Variants in REDIC1 observed in about 807,000 individuals in gnomAD.
REDIC1 encodes the protein HEI10 Interacting Protein 1.
chr12:39,750,068 G>C, the REDIC1 span, among the ~76,000 whole-genome samples: 5 of 152,120 alleles, frequency 3.3e-5, no homozygotes, highest in Non-Finnish European at 7.4e-5. Context: ...TTCCGGCCAG[G>C]GCAATCAGGC....
chr12:39,667,518 T>C, the REDIC1 span, among the ~76,000 whole-genome samples: 1 of 152,208 alleles, frequency 6.6e-6, no homozygotes, highest in Non-Finnish European at 1.5e-5. Context: ...AAGTGCGGTG[T>C]CGTGCTGAGA....
At chr12:39,731,257 C>T in the REDIC1 span, among the ~76,000 whole-genome samples, 1 of 152,270 alleles carries the variant, frequency 6.6e-6, no homozygotes, top group Admixed American at 6.5e-5. Context: ...AATTTTCAGC[C>T]TTTTTGTGCT....
At chr12:39,626,493 C>G in the REDIC1 span, 2 of 1,146,180 alleles carry the variant, frequency 1.7e-6, no homozygotes, top group Non-Finnish European at 2.5e-6. Flanking sequence ...TTATCCAAAT[C>G]GGGTTGGAGA....
the REDIC1 span, chr12:39,721,274 A>T: frequency 1.9e-6 from 3 of 1,574,598 alleles, no homozygotes; most frequent in Admixed American, 1.8e-5. Context: ...TCTACCTAGG[A>T]TGTAGAATTT....
chr12:39,699,757 G>C, the REDIC1 span, among the ~76,000 whole-genome samples: 1 of 152,240 alleles, frequency 6.6e-6, no homozygotes, highest in Non-Finnish European at 1.5e-5. Context: ...AGAACAGGCA[G>C]AATGCCTCCT....
chr12:39,767,011 T>A, the REDIC1 span, among the ~76,000 whole-genome samples: 1 of 152,108 alleles, frequency 6.6e-6, no homozygotes, highest in Non-Finnish European at 1.5e-5. Flanking sequence ...CCTCCTCCCA[T>A]GAATCACGAA....
the REDIC1 span, among the ~76,000 whole-genome samples, chr12:39,713,930 T>C: frequency 3.4e-5 from 5 of 148,424 alleles, no homozygotes; most frequent in Non-Finnish European, 7.5e-5. Flanking sequence ...TATATTAAAT[T>C]ATGTGCATAT....
At chr12:39,702,590 C>T in the REDIC1 span, among the ~76,000 whole-genome samples, 1 of 152,028 alleles carries the variant, frequency 6.6e-6, no homozygotes, top group East Asian at 1.9e-4. Context: ...TTTATGAGGC[C>T]AGCATCATCC....
At chr12:39,686,050 A>T in the REDIC1 span, among the ~76,000 whole-genome samples, 2 of 152,234 alleles carry the variant, frequency 1.3e-5, no homozygotes, top group African/African-American at 4.8e-5. Context: ...TGCAAGGTTC[A>T]GCCCCTGTGG....
At chr12:39,887,657 G>A in the REDIC1 span, among the ~76,000 whole-genome samples, 3 of 152,090 alleles carry the variant, frequency 2.0e-5, no homozygotes, top group African/African-American at 7.2e-5. Flanking sequence ...AGTGACCATC[G>A]CTTAGGTTAG....
At chr12:39,714,190 T>TGC in the REDIC1 span, among the ~76,000 whole-genome samples, 5 of 137,954 alleles carry the variant, frequency 3.6e-5, 1 homozygote, top group South Asian at 2.2e-4. Flanking sequence ...CATGCATATA[T>TGC]GTATATATGT....
chr12:39,641,603 AATAGC>A, the REDIC1 span, among the ~76,000 whole-genome samples: 41 of 151,886 alleles, frequency 2.7e-4, no homozygotes, highest in South Asian at 6.2e-4. Flanking sequence ...ATATGCAAGT[AATAGC>A]ATAGCAGTGC....
the REDIC1 span, among the ~76,000 whole-genome samples, chr12:39,879,064 C>T: frequency 0.012 from 1,860 of 152,388 alleles, 42 homozygotes; most frequent in African/African-American, 0.042. Context: ...CCAGAAGGTG[C>T]AAGGCATAAG....
At chr12:39,748,182 T>A in the REDIC1 span, among the ~76,000 whole-genome samples, 3 of 152,046 alleles carry the variant, frequency 2.0e-5, no homozygotes, top group Non-Finnish European at 4.4e-5. Flanking sequence ...GAGACCCATC[T>A]CACATTCAGA....
the REDIC1 span, among the ~76,000 whole-genome samples, chr12:39,902,057 T>C: frequency 5.9e-5 from 9 of 151,600 alleles, no homozygotes; most frequent in Admixed American, 1.3e-4. Flanking sequence ...ATGGATGAAA[T>C]TGGAAACCAT....
the REDIC1 span, among the ~76,000 whole-genome samples, chr12:39,704,934 A>T: frequency 6.6e-6 from 1 of 150,896 alleles, no homozygotes. Context: ...GCGTGGGGGG[A>T]GGGAGGAGGG....
chr12:39,832,105 A>T, the REDIC1 span, among the ~76,000 whole-genome samples: 1 of 152,132 alleles, frequency 6.6e-6, no homozygotes, highest in African/African-American at 2.4e-5. Flanking sequence ...GGCCATTCAA[A>T]TGTACTGAGA....
At chr12:39,683,518 C>A in the REDIC1 span, 3 of 1,456,280 alleles carry the variant, frequency 2.1e-6, no homozygotes, top group South Asian at 2.3e-5. Context: ...GAATACAAAT[C>A]AGGATCTAGT....
the REDIC1 span, among the ~76,000 whole-genome samples, chr12:39,851,440 A>G: frequency 5.9e-5 from 9 of 152,196 alleles, no homozygotes; most frequent in Admixed American, 5.9e-4. Context: ...ATATATTGAT[A>G]ATTATTAAAA....
Sources: allele counts gnomAD v4.1 joint callset (sites outside exome capture counted in the v4.1 genomes callset), GRCh38; gene constraint gnomAD v4.1.1; transcripts MANE v1.5; gene names NCBI Gene and HGNC (gene_info 2026-07-23, HGNC 2026-07-21).